TASP1: variants seen among roughly 807,000 people sequenced by gnomAD.
TASP1 encodes threonine aspartase 1.
Under a neutral mutation model 56.6 loss-of-function variants are expected in TASP1, and 16 were observed. The observed-to-expected ratio is 0.28, with a 90% confidence interval of 0.19 to 0.43. The LOEUF is 0.43. Among genes scored for constraint, TASP1 ranks in the 20% least tolerant of loss-of-function variants. The pLI is 1.00. For missense variants in TASP1, 393 were observed against 511.6 expected, an observed-to-expected ratio of 0.77 and a Z score of 2.24; for synonymous variants, 179 against 184.2, an observed-to-expected ratio of 0.97 and a Z score of 0.23.
the TASP1 span, among the ~76,000 whole-genome samples, chr20:13,215,904 T>C: frequency 6.6e-6 from 1 of 152,164 alleles, no homozygotes; most frequent in Non-Finnish European, 1.5e-5. Flanking sequence ...CACCTCTGAT[T>C]GTGGTGATTT....
the TASP1 span, among the ~76,000 whole-genome samples, chr20:13,214,558 CACACAGAGAGAGAG>C: frequency 8.7e-6 from 1 of 114,712 alleles, no homozygotes; most frequent in Non-Finnish European, 2.0e-5. Context: ...CACACACACA[CACACAGAGAGAGAG>C]AGAGAGAGAG....
chr20:13,507,594 G>A (rs2044178117), intron 10 of TASP1, among the ~76,000 whole-genome samples: 1 of 152,024 alleles, frequency 6.6e-6, no homozygotes, highest in Admixed American at 6.6e-5. Context: ...AAAAATAAGT[G>A]CAGCTATCTG....
At chr20:13,595,862 T>C (rs1053267748) in intron 4 of TASP1, among the ~76,000 whole-genome samples, 2 of 152,162 alleles carry the variant, frequency 1.3e-5, no homozygotes, top group African/African-American at 4.8e-5. Context: ...AACTCAGCTC[T>C]GCACCAAGCA....
At chr20:13,261,497 AAAG>A in the TASP1 span, among the ~76,000 whole-genome samples, 2 of 152,140 alleles carry the variant, frequency 1.3e-5, no homozygotes, top group African/African-American at 2.4e-5. Context: ...TCTTTAGAGA[AAAG>A]AAGAATTTGT....
chr20:13,227,281 G>A, the TASP1 span, among the ~76,000 whole-genome samples: 150 of 141,222 alleles, frequency 1.1e-3, 2 homozygotes, highest in Non-Finnish European at 1.9e-3. Flanking sequence ...TTGGCTCACT[G>A]CAAGCTCCAC....
chr20:13,249,785 G>A, the TASP1 span, among the ~76,000 whole-genome samples: 16 of 6,004 alleles, frequency 2.7e-3, no homozygotes, highest in East Asian at 0.058. Flanking sequence ...GTTGCGTTTT[G>A]TTTTGTTTTG....
the TASP1 span, among the ~76,000 whole-genome samples, chr20:13,191,128 A>ATAC: frequency 5.3e-5 from 8 of 152,320 alleles, no homozygotes; most frequent in African/African-American, 1.7e-4. Context: ...GAACTCTTAT[A>ATAC]TACTGTTAGC....
the TASP1 span, among the ~76,000 whole-genome samples, chr20:13,310,767 C>T: frequency 5.3e-5 from 8 of 152,312 alleles, no homozygotes; most frequent in Admixed American, 5.2e-4. Flanking sequence ...CCTGAATAGA[C>T]ATTTCTCAAA....
chr20:13,139,520 A>G, the TASP1 span, among the ~76,000 whole-genome samples: 1 of 152,170 alleles, frequency 6.6e-6, no homozygotes, highest in African/African-American at 2.4e-5. Context: ...AAAGTTGCTG[A>G]CAAAGGGGTA....
the TASP1 span, chr20:13,160,067 C>G: frequency 3.1e-6 from 5 of 1,613,580 alleles, no homozygotes; most frequent in Non-Finnish European, 3.4e-6. Flanking sequence ...TCCAGCCACT[C>G]CCCTCGCAGA....
intron 11 of TASP1, among the ~76,000 whole-genome samples, chr20:13,443,866 G>T (rs1393672679): frequency 6.6e-6 from 1 of 152,150 alleles, no homozygotes; most frequent in Non-Finnish European, 1.5e-5. Context: ...AAAAACCAAA[G>T]GGGTTAACCC....
At chr20:13,358,988 G>A in the TASP1 span, among the ~76,000 whole-genome samples, 2 of 149,390 alleles carry the variant, frequency 1.3e-5, no homozygotes, top group Non-Finnish European at 3.0e-5. Context: ...CCTGGGGCAG[G>A]GTCAAGTACC....
At chr20:13,183,321 A>G in the TASP1 span, among the ~76,000 whole-genome samples, 1 of 152,230 alleles carries the variant, frequency 6.6e-6, no homozygotes, top group East Asian at 1.9e-4. Context: ...TAGCTGAGAT[A>G]TTAAGACCAG....
chr20:13,365,640 C>T, the TASP1 span, among the ~76,000 whole-genome samples: 10 of 152,024 alleles, frequency 6.6e-5, no homozygotes, highest in Non-Finnish European at 1.3e-4. Flanking sequence ...TAGGAAAGGC[C>T]GCAGTGGCGA....
chr20:13,262,790 G>T, the TASP1 span, among the ~76,000 whole-genome samples: 1 of 152,120 alleles, frequency 6.6e-6, no homozygotes, highest in Non-Finnish European at 1.5e-5. Flanking sequence ...CACAGGGATG[G>T]GTGGCCCCTC....
the TASP1 span, among the ~76,000 whole-genome samples, chr20:13,247,839 C>G: frequency 6.6e-6 from 1 of 152,092 alleles, no homozygotes; most frequent in Non-Finnish European, 1.5e-5. Flanking sequence ...GAAGTAGGAT[C>G]TTGGTTTCTC....
intron 6 of TASP1, among the ~76,000 whole-genome samples, chr20:13,579,364 G>A (rs1387111212): frequency 6.6e-6 from 1 of 152,038 alleles, no homozygotes; most frequent in South Asian, 2.1e-4. Flanking sequence ...AGAGAAGCAA[G>A]TGTAAGATTT....
intron 13 of TASP1, among the ~76,000 whole-genome samples, chr20:13,394,070 C>G (rs1015856663): frequency 3.3e-5 from 5 of 151,226 alleles, no homozygotes; most frequent in African/African-American, 1.2e-4. Context: ...CCCCCGAGGT[C>G]AGGAGTTCGA....
intron 10 of TASP1, among the ~76,000 whole-genome samples, chr20:13,519,669 T>A (rs2044665794): frequency 1.3e-5 from 2 of 152,174 alleles, no homozygotes; most frequent in Admixed American, 1.3e-4. Context: ...AATATCGTAC[T>A]GAATGGGCAA....
Sources: gnomAD v4.1 joint callset for allele counts (sites outside exome capture counted in the v4.1 genomes callset) on GRCh38, gnomAD v4.1.1 for gene constraint, MANE v1.5 for transcripts, NCBI Gene and HGNC (gene_info 2026-07-23, HGNC 2026-07-21) for gene names.